NME7: variants seen among roughly 807,000 people sequenced by gnomAD.
NME7 encodes the protein nucleoside diphosphate kinase 7.
In NME7, 41 loss-of-function variants were observed where a neutral mutation model predicts 49.1. That is an observed-to-expected ratio of 0.83 (90% CI 0.65 to 1.08). The LOEUF is 1.08. Among genes scored for constraint, NME7 ranks in the 50% least tolerant of loss-of-function variants. The probability of loss-of-function intolerance (pLI) is 0.00; values close to 1 mark genes in which losing one functional copy is unlikely to be tolerated. For missense variants in NME7, 423 were observed against 463.4 expected, an observed-to-expected ratio of 0.91 and a Z score of 0.80; for synonymous variants, 139 against 150.6, an observed-to-expected ratio of 0.92 and a Z score of 0.56.
At chr1:169,352,625 G>T (rs1440742624) in intron 1 of NME7, among the ~76,000 whole-genome samples, 1 of 151,954 alleles carries the variant, frequency 6.6e-6, no homozygotes, top group Non-Finnish European at 1.5e-5. Flanking sequence ...AGAAGTCAAA[G>T]AATCTTTGTT....
intron 11 of NME7, among the ~76,000 whole-genome samples, chr1:169,140,137 A>G (rs1658547254): frequency 6.6e-6 from 1 of 152,208 alleles, no homozygotes; most frequent in South Asian, 2.1e-4. Context: ...TTAAATTCAT[A>G]TGTACAGAAA....
At chr1:169,217,578 C>T (rs1661006462) in intron 10 of NME7, among the ~76,000 whole-genome samples, 1 of 152,174 alleles carries the variant, frequency 6.6e-6, no homozygotes, top group South Asian at 2.1e-4. Context: ...TTGGATAGTG[C>T]TGACTGAAAA....
intron 3 of NME7, among the ~76,000 whole-genome samples, chr1:169,321,453 T>C (rs1047050716): frequency 6.6e-6 from 1 of 152,258 alleles, no homozygotes. Context: ...ATGTGCTCCA[T>C]AAATGAATGC....
At chr1:169,202,141 G>A (rs1024057773) in intron 10 of NME7, among the ~76,000 whole-genome samples, 1 of 152,140 alleles carries the variant, frequency 6.6e-6, no homozygotes, top group Non-Finnish European at 1.5e-5. Flanking sequence ...GCTGCACATA[G>A]TAACTGATAG....
At chr1:169,170,204 G>T (rs572112214) in intron 10 of NME7, among the ~76,000 whole-genome samples, 1 of 152,230 alleles carries the variant, frequency 6.6e-6, no homozygotes, top group Non-Finnish European at 1.5e-5. Context: ...GAGGAGAGGG[G>T]GCTATAGTGA....
At chr1:169,323,569 C>A (rs560103584) in intron 2 of NME7, among the ~76,000 whole-genome samples, 2 of 152,212 alleles carry the variant, frequency 1.3e-5, no homozygotes, top group Non-Finnish European at 2.9e-5. Context: ...GTAGTCCTTA[C>A]AAAATGCTAA....
In NME7 at chr1:169,259,777, G is replaced by C. The variant is rs1341539328; in HGVS notation, c.755-22090C>G. Among the ~76,000 whole-genome samples, 2 of 133,974 alleles carry C rather than the reference G, an allele frequency of 1.5e-5. 1 individual carries two copies. Among genetic ancestry groups the C allele is most frequent in the Non-Finnish European group, 3.5e-5 (2 of 56,896 alleles). 87.9% of individuals were successfully genotyped at this position (133,974 alleles called of 152,430 possible). ...ATACTTAAATAAGATTTGGCTTAAA[G>C]ATTTTCTGACCTCAAATTCAGGATA... On this transcript the variant is annotated intron_variant, in intron 7 of 11. Transcript: ENST00000367811.
chr1:169,133,126 A>G (rs1397756080), intron 11 of NME7, among the ~76,000 whole-genome samples: 1 of 152,210 alleles, frequency 6.6e-6, no homozygotes, highest in Non-Finnish European at 1.5e-5. Context: ...TTTTTAAAAA[A>G]TGAGGTTAGG....
chr1:169,298,511 T>G (rs976740064), intron 6 of NME7, 45 bp downstream of exon 6: 1 of 1,573,664 alleles, frequency 6.4e-7, no homozygotes, highest in Admixed American at 1.8e-5. Flanking sequence ...TATAAAACAT[T>G]TAACAGAACT....
At chr1:169,353,356 C>T (rs546436871) in intron 1 of NME7, among the ~76,000 whole-genome samples, 1 of 152,030 alleles carries the variant, frequency 6.6e-6, no homozygotes, top group South Asian at 2.1e-4. Context: ...AAGAATGGAA[C>T]AAGACCCCTT....
chr1:169,304,457 T>C (rs1651096471), intron 4 of NME7, among the ~76,000 whole-genome samples: 2 of 152,210 alleles, frequency 1.3e-5, no homozygotes, highest in Admixed American at 1.3e-4. Flanking sequence ...ACAAGTTATA[T>C]CACGCATACT....
At chr1:169,136,570 C>G (rs1251975356) in intron 11 of NME7, among the ~76,000 whole-genome samples, 2 of 152,294 alleles carry the variant, frequency 1.3e-5, no homozygotes, top group African/African-American at 4.8e-5. Context: ...TACTTTTGTA[C>G]TTCTAAACGT....
In NME7 at chr1:169,265,636, G is replaced by A. The variant is rs965946454; in HGVS notation, c.754+21667C>T. 1.6e-5 allele frequency among the ~76,000 whole-genome samples: 2 copies of A among 128,900 alleles called. 1 individual carries two copies. The highest frequency in any genetic ancestry group is 4.7e-4 in the South Asian group (2 of 4,230). The allele number at this position is 128,900 out of a possible 152,430, so 84.6% of individuals were successfully genotyped here. ...AGACAAGAAATAACCAAAATCAAGA[G>A]CTAAAATGGAGGAGATAGAGACAAA... On this transcript the variant is annotated intron_variant, in intron 7 of 11. Coordinates refer to ENST00000367811, the MANE Select transcript of NME7 (RefSeq NM_013330.5).
intron 10 of NME7, among the ~76,000 whole-genome samples, chr1:169,190,381 AAT>A (rs35816758): frequency 0.37 from 55,628 of 150,456 alleles, 10,878 homozygotes; most frequent in East Asian, 0.73. Flanking sequence ...TTATTTTTAT[AAT>A]ATATATATAA....
chr1:169,135,409 C>CT (rs982792980), intron 11 of NME7, among the ~76,000 whole-genome samples: 6 of 152,294 alleles, frequency 3.9e-5, no homozygotes, highest in African/African-American at 1.4e-4. Context: ...ACTTTGATAT[C>CT]TGTGTATATT....
At chr1:169,357,192 CTAAG>C (rs1454153930) in intron 1 of NME7, among the ~76,000 whole-genome samples, 3 of 152,082 alleles carry the variant, frequency 2.0e-5, no homozygotes, top group South Asian at 2.1e-4. Context: ...TTGAATTTCT[CTAAG>C]TTAGTATTAC....
At chr1:169,230,093 A>G (rs6679084) in intron 10 of NME7, among the ~76,000 whole-genome samples, 57,336 of 152,070 alleles carry the variant, frequency 0.38, 11,521 homozygotes, top group East Asian at 0.79. Flanking sequence ...TAAGGTTAGT[A>G]TTTAAATCAT....
chr1:169,285,266 T>C (rs1019578006), intron 7 of NME7: 9 of 152,150 alleles, frequency 5.9e-5, no homozygotes, highest in Admixed American at 5.2e-4. Flanking sequence ...TTGAGCTTCA[T>C]GTCTGTGCTC....
chr1:169,142,518 A>T (rs1423614898), intron 11 of NME7, among the ~76,000 whole-genome samples: 1 of 152,204 alleles, frequency 6.6e-6, no homozygotes, highest in East Asian at 1.9e-4. Context: ...AAAAAGAAGC[A>T]CCTGCAATTT....
Sources: gnomAD v4.1 joint callset for allele counts (sites outside exome capture counted in the v4.1 genomes callset) on GRCh38, gnomAD v4.1.1 for gene constraint, MANE v1.5 for transcripts, NCBI Gene and HGNC (gene_info 2026-07-23, HGNC 2026-07-21) for gene names.